MAST4: variants seen among roughly 807,000 people sequenced by gnomAD.
MAST4 encodes the protein microtubule-associated serine/threonine-protein kinase 4.
MAST4 carries 89 observed loss-of-function variants against 162.7 expected under a neutral mutation model. The observed-to-expected ratio is 0.55, with a 90% CI of 0.46 to 0.65. The LOEUF is 0.65. MAST4 is among the 30% of genes least tolerant of loss of function. The probability of loss-of-function intolerance (pLI) is 0.00; values close to 1 mark genes in which losing one functional copy is unlikely to be tolerated. For synonymous variants in MAST4, 1,479 were observed against 1,361.1 expected, an observed-to-expected ratio of 1.09 and a Z score of -1.91; for missense variants, 3,153 against 3,374.0, an observed-to-expected ratio of 0.93 and a Z score of 1.62.
chr5:66,859,298 T>C (rs1263648200), intron 3 of MAST4, among the ~76,000 whole-genome samples: 1 of 152,202 alleles, frequency 6.6e-6, no homozygotes, highest in Non-Finnish European at 1.5e-5. Flanking sequence ...TCTTATTCTG[T>C]CCTCTCTGTT....
intron 1 of MAST4, among the ~76,000 whole-genome samples, chr5:66,719,708 C>T (rs765690629): frequency 2.0e-5 from 3 of 152,122 alleles, no homozygotes; most frequent in African/African-American, 4.8e-5. Flanking sequence ...TGCTCTCCCT[C>T]CCCTTGTTCC....
chr5:66,809,587 A>G (rs1473598417), intron 3 of MAST4, among the ~76,000 whole-genome samples: 2 of 152,222 alleles, frequency 1.3e-5, no homozygotes, highest in African/African-American at 4.8e-5. Flanking sequence ...TTTTATAAGA[A>G]GTGATATGTA....
In MAST4 at chr5:66,994,814, G is replaced by A. The variant is rs372900439; in HGVS notation, c.675-59590G>A. 1.2e-4 allele frequency among the ~76,000 whole-genome samples: 18 copies of A among 151,808 alleles called. 1 individual carries two copies. Among genetic ancestry groups the A allele is most frequent in the South Asian group, 4.1e-4 (2 of 4,826 alleles). ...GCTATTTAATTCTTTGAAATGAAGAGCATTATTTTTATTATATTCATGTCT... is the reference window on the plus strand; with the variant it reads ...GCTATTTAATTCTTTGAAATGAAGAACATTATTTTTATTATATTCATGTCT... On this transcript the variant is annotated intron_variant, in intron 4 of 28. Coordinates refer to ENST00000403625, the MANE Select transcript of MAST4 (RefSeq NM_001164664.2).
rs768545687 is a variant in MAST4, at chr5:67,164,370, G to A, written c.5191G>A (p.Glu1731Lys). 6.2e-7 allele frequency: 1 copy of A among 1,613,982 alleles called. No individual in the cohort carries two copies. Among genetic ancestry groups the A allele is most frequent in the Non-Finnish European group, 8.5e-7 (1 of 1,179,884 alleles). ...NPVRPTGGQQ[E>K]PPPASESRAF... ...AGTCCGACCCACGGGTGGGCAGCAG[G>A]AGCCCCCGCCGGCTTCTGAGAGCCG... The change falls in exon 29 of 29, where the codon GAG becomes AAG. Residue 1731 changes from glutamate to lysine, a missense_variant. Physicochemically the swap from Glu to Lys is moderately conservative, Grantham distance 56. Around this residue, in one of 7 missense-constraint regions of MAST4, gnomAD observed 1,644 missense variants for 1,495.0 expected, o/e 1.10. Transcript: ENST00000403625. This position sits in a 1 kb window ranked among gnomAD's most constrained non-coding sequence, Gnocchi z 5.3.
chr5:66,866,759 T>C (rs1760551969), intron 3 of MAST4, among the ~76,000 whole-genome samples: 1 of 152,188 alleles, frequency 6.6e-6, no homozygotes, highest in African/African-American at 2.4e-5. Context: ...TTGCTTTTGT[T>C]TTTTCTTTTG....
chr5:66,970,072 T>A (rs544969181), intron 4 of MAST4, among the ~76,000 whole-genome samples: 2 of 152,248 alleles, frequency 1.3e-5, no homozygotes, highest in East Asian at 3.9e-4. Flanking sequence ...GAGATGAGCC[T>A]GATTATGAAC....
chr5:66,907,158 C>CGAGAGAGAGAGAGAGAGA (rs34963439), intron 4 of MAST4, among the ~76,000 whole-genome samples: 11 of 104,354 alleles, frequency 1.1e-4, no homozygotes, highest in African/African-American at 2.7e-4. Flanking sequence ...CTCAGCAAAG[C>CGAGAGAGAGAGAGAGAGA]GAGAGAGAGA....
intron 4 of MAST4, among the ~76,000 whole-genome samples, chr5:66,972,948 C>T (rs1581065679): frequency 6.6e-6 from 1 of 152,216 alleles, no homozygotes; most frequent in East Asian, 1.9e-4. Context: ...CTTCCTACCC[C>T]TTCAACTTTT....
chr5:66,906,875 T>C (rs1285992403), intron 4 of MAST4, among the ~76,000 whole-genome samples: 1 of 152,092 alleles, frequency 6.6e-6, no homozygotes, highest in African/African-American at 2.4e-5. Context: ...AGAGATGAGA[T>C]GGAAGATGAG....
intron 10 of MAST4, among the ~76,000 whole-genome samples, chr5:67,109,337 A>C (rs1204464273): frequency 6.6e-6 from 1 of 152,166 alleles, no homozygotes; most frequent in Non-Finnish European, 1.5e-5. Context: ...ACCTGACCTC[A>C]TGTGATGAGT....
In MAST4 at chr5:66,919,123, C is replaced by CACACACAT. The variant is rs915521591; in HGVS notation, c.674+19148_674+19149insTACACACA. Among the ~76,000 whole-genome samples the CACACACAT allele has an allele frequency of 2.0e-5, 3 of 148,048 alleles. No homozygotes were observed. In the Admixed American group the frequency reaches 2.0e-4, roughly 10 times the overall value. Reference sequence around the variant, plus strand: ...CAACACACACACACACACACACACACACACACACACACACAAATTTGAGAT... The same window carrying CACACACAT: ...CAACACACACACACACACACACACACACACACATACACACACACACACAAATTTGAGAT... On this transcript the variant is annotated intron_variant, in intron 4 of 28. Transcript: ENST00000403625.
At chr5:67,016,257 G>A (rs1753275809) in intron 4 of MAST4, among the ~76,000 whole-genome samples, 1 of 152,136 alleles carries the variant, frequency 6.6e-6, no homozygotes, top group African/African-American at 2.4e-5. Flanking sequence ...TGAAAAAATT[G>A]AGGATTAGAG....
intron 1 of MAST4, among the ~76,000 whole-genome samples, chr5:66,660,906 C>T (rs1348989191): frequency 6.6e-6 from 1 of 152,150 alleles, no homozygotes; most frequent in Non-Finnish European, 1.5e-5. Flanking sequence ...AAAAATGTGT[C>T]TTCTTGAAAG....
Position 66,830,860 on chromosome 5 carries a change from A to G in MAST4, c.642+42066A>G, listed in dbSNP as rs557971032. Among the ~76,000 whole-genome samples, 58 of 152,362 alleles carry G rather than the reference A, an allele frequency of 3.8e-4. 1 individual carries two copies. The highest frequency in any genetic ancestry group is 2.1e-3 in the South Asian group (10 of 4,828). ...AAGAATAAAATTAATTTACAAATAT[A>G]GATAGCTATGTGGAACATTTGAACC... On this transcript the variant is annotated intron_variant, in intron 3 of 28. Coordinates refer to ENST00000403625, the MANE Select transcript of MAST4 (RefSeq NM_001164664.2).
At chr5:67,053,496 G>T (rs1758429098) in intron 4 of MAST4, among the ~76,000 whole-genome samples, 1 of 152,108 alleles carries the variant, frequency 6.6e-6, no homozygotes, top group Non-Finnish European at 1.5e-5. Context: ...AATTAAATGA[G>T]GTAACTTGCT....
intron 1 of MAST4, among the ~76,000 whole-genome samples, chr5:66,663,951 T>TG (rs1747074280): frequency 6.6e-6 from 1 of 151,898 alleles, no homozygotes; most frequent in Admixed American, 6.6e-5. Flanking sequence ...GCCAGGGTGG[T>TG]GGTGGTGGAG....
intron 2 of MAST4, among the ~76,000 whole-genome samples, chr5:66,760,241 G>T (rs1486276182): frequency 6.6e-6 from 1 of 151,098 alleles, no homozygotes; most frequent in Non-Finnish European, 1.5e-5. Context: ...TCAGCCTCCT[G>T]AGTAGCTGGG....
At chr5:66,754,261 T>C (rs1471628860) in intron 1 of MAST4, among the ~76,000 whole-genome samples, 1 of 152,188 alleles carries the variant, frequency 6.6e-6, no homozygotes, top group African/African-American at 2.4e-5. Flanking sequence ...TGGACAAATA[T>C]ATATGCTAGC....
intron 4 of MAST4, among the ~76,000 whole-genome samples, chr5:66,924,966 C>G (rs1430966672): frequency 6.6e-6 from 1 of 152,062 alleles, no homozygotes; most frequent in Non-Finnish European, 1.5e-5. Context: ...GATCATAAAG[C>G]ATGGATCGTT....
Sources: allele counts gnomAD v4.1 joint callset (sites outside exome capture counted in the v4.1 genomes callset), GRCh38; gene constraint gnomAD v4.1.1; regional missense constraint gnomAD v4.1.1; non-coding constraint Gnocchi (gnomAD v3.1); transcripts MANE v1.5; gene names NCBI Gene and HGNC (gene_info 2026-07-23, HGNC 2026-07-21).